CREBBP: variants seen among roughly 807,000 people sequenced by gnomAD.
CREBBP encodes CREB binding lysine acetyltransferase.
In CREBBP, 19 loss-of-function variants were observed where a neutral mutation model predicts 265.0. The observed-to-expected ratio is 0.07, with a 90% CI of 0.05 to 0.11. The LOEUF is 0.11. CREBBP is among the 10% of genes least tolerant of loss of function. The probability of loss-of-function intolerance (pLI) is 1.00; values close to 1 mark genes in which losing one functional copy is unlikely to be tolerated. For synonymous variants in CREBBP, 1,457 were observed against 1,223.7 expected, an observed-to-expected ratio of 1.19 and a Z score of -3.98; for missense variants, 2,525 against 3,219.0, an observed-to-expected ratio of 0.78 and a Z score of 5.22.
chr16:3,837,284 T>C (rs986324269), intron 2 of CREBBP, among the ~76,000 whole-genome samples: 1 of 152,180 alleles, frequency 6.6e-6, no homozygotes, highest in African/African-American at 2.4e-5. Context: ...TGTATGTGTG[T>C]ACATTTATGT....
At chr16:3,767,608 G>A (rs1596878107) in intron 16 of CREBBP, 112 bp downstream of exon 16, 4 of 1,436,116 alleles carry the variant, frequency 2.8e-6, no homozygotes, top group East Asian at 2.3e-5. Context: ...GGCAAGAAAG[G>A]TAAAAGGGCA....
chr16:3,775,277 G>A (rs935784364), intron 11 of CREBBP, among the ~76,000 whole-genome samples: 6 of 152,318 alleles, frequency 3.9e-5, no homozygotes, highest in Admixed American at 2.0e-4. Flanking sequence ...AAGTGCCCAA[G>A]GGTCAGCCGT....
At chr16:3,844,092 G>A (rs2054618388) in intron 2 of CREBBP, among the ~76,000 whole-genome samples, 1 of 138,538 alleles carries the variant, frequency 7.2e-6, no homozygotes, top group Non-Finnish European at 1.5e-5. Context: ...AGCTTGCAGT[G>A]AGCCGAGATC....
chr16:3,869,712 C>A (rs1451916309), intron 1 of CREBBP, among the ~76,000 whole-genome samples: 1 of 152,146 alleles, frequency 6.6e-6, no homozygotes, highest in Non-Finnish European at 1.5e-5. Flanking sequence ...CAGCGTAGAG[C>A]CGCCCTCCCA....
chr16:3,752,925 A>T (rs2052507017), intron 19 of CREBBP, among the ~76,000 whole-genome samples: 1 of 152,262 alleles, frequency 6.6e-6, no homozygotes, highest in South Asian at 2.1e-4. Flanking sequence ...TAAATGAGAA[A>T]TCAACAGAAA....
rs185985205 is a variant in CREBBP, at chr16:3,735,563, G to A, written c.4728+473C>T. On this transcript the variant is annotated intron_variant, in intron 28 of 30. Coordinates refer to ENST00000262367, the MANE Select transcript of CREBBP (RefSeq NM_004380.3). ...CGCCTGCCTCGGCCTCCCAAAGTGCGGGGTTACAGGTGTGAGCCACCGCGC... is the reference window on the plus strand; with the variant it reads ...CGCCTGCCTCGGCCTCCCAAAGTGCAGGGTTACAGGTGTGAGCCACCGCGC... Among the ~76,000 whole-genome samples, 61 of 152,136 alleles carry A rather than the reference G, an allele frequency of 4.0e-4. 2 individuals are homozygous for A. In the East Asian group the frequency reaches 0.011, roughly 28 times the overall value.
chr16:3,771,080 T>C, intron 13 of CREBBP, 94 bp from the exon 14 acceptor site: 1 of 1,463,608 alleles, frequency 6.8e-7, no homozygotes, highest in South Asian at 1.2e-5. Context: ...AAAAAAATTT[T>C]TTTTTTTGAG....
chr16:3,838,689 T>G (rs2054505263), intron 2 of CREBBP, among the ~76,000 whole-genome samples: 1 of 152,156 alleles, frequency 6.6e-6, no homozygotes, highest in African/African-American at 2.4e-5. Flanking sequence ...TTCTAGACAT[T>G]TCTGTGCTAA....
chr16:3,780,684 C>T (rs1276194558), intron 8 of CREBBP, 48 bp downstream of exon 8: 1 of 1,606,228 alleles, frequency 6.2e-7, no homozygotes, highest in African/African-American at 1.3e-5. Flanking sequence ...CAATGGGCAA[C>T]ACAGGAATAA....
chr16:3,761,765 G>T (rs888759390), intron 16 of CREBBP, among the ~76,000 whole-genome samples: 1 of 152,192 alleles, frequency 6.6e-6, no homozygotes, highest in South Asian at 2.1e-4. Flanking sequence ...GGGAAGCGTC[G>T]GAAACACACA....
At chr16:3,790,524 GC>G (rs1384537070) in intron 5 of CREBBP, among the ~76,000 whole-genome samples, 1 of 151,954 alleles carries the variant, frequency 6.6e-6, no homozygotes, top group Non-Finnish European at 1.5e-5. Flanking sequence ...ACAGGCATGC[GC>G]CACCACGCCC....
intron 2 of CREBBP, among the ~76,000 whole-genome samples, chr16:3,843,143 G>A (rs2054598616): frequency 6.6e-6 from 1 of 152,070 alleles, no homozygotes; most frequent in Non-Finnish European, 1.5e-5. Flanking sequence ...CGAAAGAACA[G>A]GCTGCATTGC....
chr16:3,857,845 T>A (rs1359772318), intron 1 of CREBBP, among the ~76,000 whole-genome samples: 1 of 152,190 alleles, frequency 6.6e-6, no homozygotes, highest in Admixed American at 6.5e-5. Context: ...CCCCTTTCAT[T>A]AAGCTGAAAT....
chr16:3,765,346 G>A (rs2151399778), intron 16 of CREBBP, among the ~76,000 whole-genome samples: 1 of 152,328 alleles, frequency 6.6e-6, no homozygotes, highest in Admixed American at 6.5e-5. Flanking sequence ...TAAAAGATGT[G>A]CGCTGCATAG....
chr16:3,773,595 G>A, intron 13 of CREBBP, 156 bp downstream of exon 13: 1 of 782,446 alleles, frequency 1.3e-6, no homozygotes, highest in South Asian at 1.8e-5. Context: ...AGGACTACAG[G>A]ACAAAGGTGG....
chr16:3,727,239 C>G lies in CREBBP; in HGVS notation c.*479G>C, dbSNP rs1296172494. 3 of 254,298 alleles carry G rather than the reference C, an allele frequency of 1.2e-5. No individual in the cohort carries two copies. The highest frequency in any genetic ancestry group is 1.5e-5 in the Non-Finnish European group (2 of 131,686). The allele number at this position is 254,298 out of a possible 1,614,324, so 15.8% of individuals were successfully genotyped here. On this transcript the variant is annotated 3_prime_UTR_variant, in exon 31 of 31. Coordinates refer to ENST00000262367, the MANE Select transcript of CREBBP (RefSeq NM_004380.3). ...GAGTTCACTATAGAAAAAAATCTTC[C>G]CGAAACATCACAAAGTTATCGGGAT...
chr16:3,851,811 G>A (rs573180335), intron 1 of CREBBP, among the ~76,000 whole-genome samples: 4 of 138,276 alleles, frequency 2.9e-5, no homozygotes, highest in East Asian at 2.2e-4. Flanking sequence ...CCGAGATTGC[G>A]CCACTGCAGT....
intron 3 of CREBBP, among the ~76,000 whole-genome samples, chr16:3,798,672 T>G (rs2141302657): frequency 6.6e-6 from 1 of 152,324 alleles, no homozygotes; most frequent in East Asian, 1.9e-4. Context: ...AGTCAAATGC[T>G]AACCAATAGC....
At chr16:3,822,902 T>G (rs1052323858) in intron 2 of CREBBP, among the ~76,000 whole-genome samples, 24 of 152,190 alleles carry the variant, frequency 1.6e-4, no homozygotes, top group Middle Eastern at 3.4e-3. Flanking sequence ...GCAGTCTCTG[T>G]GCCTTGTTTC....
Sources: gnomAD v4.1 joint callset for allele counts (sites outside exome capture counted in the v4.1 genomes callset) on GRCh38, gnomAD v4.1.1 for gene constraint, MANE v1.5 for transcripts, NCBI Gene and HGNC (gene_info 2026-07-23, HGNC 2026-07-21) for gene names.